Variants in PCDHGA3 observed in about 807,000 individuals in gnomAD.
PCDHGA3 encodes the protein protocadherin gamma subfamily A, 3.
A neutral mutation model predicts 58.5 loss-of-function variants in PCDHGA3; 40 were observed. That is an observed-to-expected ratio of 0.68 (90% CI 0.53 to 0.89). The LOEUF is 0.89. Ranked by LOEUF, PCDHGA3 falls within the 40% of genes least tolerant of loss-of-function variation. The probability of loss-of-function intolerance (pLI) is 0.00; values close to 1 mark genes in which losing one functional copy is unlikely to be tolerated. For synonymous variants in PCDHGA3, 530 were observed against 525.7 expected, an observed-to-expected ratio of 1.01 and a Z score of -0.11; for missense variants, 1,223 against 1,195.9, an observed-to-expected ratio of 1.02 and a Z score of -0.33.
At chr5:141,364,769 G>A in intron 1 of PCDHGA3, 4 of 1,614,012 alleles carry the variant, frequency 2.5e-6, no homozygotes, top group Non-Finnish European at 3.4e-6. Flanking sequence ...TGAAAATGCG[G>A]CTGCAGGGAC....
At position 141,394,009 on chromosome 5, in the gene PCDHGA3, G is replaced by C. The variant is rs1554094356; in HGVS notation, c.2424+47552G>C. The C allele has an allele frequency of 1.2e-6, 2 of 1,613,394 alleles. No homozygotes were observed. Among genetic ancestry groups the C allele is most frequent in the Admixed American group, 3.3e-5 (2 of 59,950 alleles). On this transcript the variant is annotated intron_variant, in intron 1 of 3. Coordinates refer to ENST00000253812, the MANE Select transcript of PCDHGA3 (RefSeq NM_018916.4). ...CCTTTTAAATTAGAAAAGTCAATAG[G>C]TAATTATTATAGATTAGTGACAAGG... is the stretch of plus-strand genomic sequence containing the variant.
intron 1 of PCDHGA3, chr5:141,376,676 G>GGTTTTTTTTT (rs1773026765): frequency 3.6e-6 from 1 of 275,812 alleles, no homozygotes; most frequent in Middle Eastern, 1.2e-3. Context: ...TGAGGGTATC[G>GGTTTTTTTTT]TTTTTTTTTT....
chr5:141,388,875 G>T lies in PCDHGA3; in HGVS notation c.2424+42418G>T, dbSNP rs201053346. ...TGGAGGAATGATTGCGCAATGCACAGTGGAGGTAGAAGTCATAGATGAAAA... is the reference window on the plus strand; with the variant it reads ...TGGAGGAATGATTGCGCAATGCACATTGGAGGTAGAAGTCATAGATGAAAA... On this transcript the variant is annotated intron_variant, in intron 1 of 3. Coordinates refer to ENST00000253812, the MANE Select transcript of PCDHGA3 (RefSeq NM_018916.4). 1.4e-4 allele frequency: 224 copies of T among 1,614,024 alleles called. No homozygotes were observed. The highest frequency in any genetic ancestry group is 1.8e-4 in the Non-Finnish European group (214 of 1,179,874).
At chr5:141,375,695 G>C (rs540188136) in intron 1 of PCDHGA3, 1 of 1,614,250 alleles carries the variant, frequency 6.2e-7, no homozygotes, top group South Asian at 1.1e-5. Context: ...CAGCGACAGC[G>C]GGGACCCGCC....
chr5:141,398,787 A>C, intron 1 of PCDHGA3: 1 of 1,613,902 alleles, frequency 6.2e-7, no homozygotes, highest in South Asian at 1.1e-5. Context: ...GTGGACATCC[A>C]CCCCTAAGCG....
intron 1 of PCDHGA3, among the ~76,000 whole-genome samples, chr5:141,457,459 C>G (rs749463185): frequency 1.6e-4 from 24 of 152,166 alleles, no homozygotes; most frequent in Non-Finnish European, 3.4e-4. Context: ...CCACTTGATT[C>G]ACAGGAATAA....
chr5:141,494,661 G>A, intron 1 of PCDHGA3, 146 bp from the exon 2 acceptor site: 2 of 1,492,976 alleles, frequency 1.3e-6, no homozygotes, highest in Non-Finnish European at 1.8e-6. Context: ...TTTGTCTTTG[G>A]AGATGAGTCC....
At chr5:141,452,538 G>T (rs1330051133) in intron 1 of PCDHGA3, among the ~76,000 whole-genome samples, 1 of 152,148 alleles carries the variant, frequency 6.6e-6, no homozygotes, top group Non-Finnish European at 1.5e-5. Flanking sequence ...AGTTCATATT[G>T]ATACCTCCAG....
At chr5:141,405,441 A>G (rs1049992632) in intron 1 of PCDHGA3, 1 of 1,376,552 alleles carries the variant, frequency 7.3e-7, no homozygotes, top group Non-Finnish European at 1.0e-6. Context: ...TGTTTTTGAG[A>G]CAGAGTCTTA....
chr5:141,470,658 G>T lies in PCDHGA3; in HGVS notation c.2425-24149G>T, dbSNP rs527415532. Among the ~76,000 whole-genome samples the T allele has an allele frequency of 4.7e-3, 721 of 152,024 alleles. 9 individuals carry two copies. The highest frequency in any genetic ancestry group is 6.7e-3 in the Non-Finnish European group (452 of 67,944). On this transcript the variant is annotated intron_variant, in intron 1 of 3. Transcript: ENST00000253812. ...CTTGCTTTGAAGGCCCCTACCCTTT[G>T]GTTAGGGCTCTGCTGTTACCATCTT... is the stretch of plus-strand genomic sequence containing the variant.
intron 1 of PCDHGA3, chr5:141,392,745 G>T: frequency 6.9e-7 from 1 of 1,441,296 alleles, no homozygotes; most frequent in Non-Finnish European, 9.1e-7. Flanking sequence ...CCATAGCTGC[G>T]GCAAGAAACT....
At chr5:141,398,565 A>C in intron 1 of PCDHGA3, 1 of 1,614,040 alleles carries the variant, frequency 6.2e-7, no homozygotes, top group Non-Finnish European at 8.5e-7. Context: ...GTGAGTCTGC[A>C]CAGCCTGGCA....
chr5:141,348,608 T>A (rs1041872145), intron 1 of PCDHGA3, among the ~76,000 whole-genome samples: 1 of 152,150 alleles, frequency 6.6e-6, no homozygotes, highest in Non-Finnish European at 1.5e-5. Context: ...ATGGAACCCA[T>A]ACAATTCCAC....
chr5:141,506,262 A>G (rs1395369571), intron 3 of PCDHGA3, among the ~76,000 whole-genome samples: 1 of 152,046 alleles, frequency 6.6e-6, no homozygotes, highest in Admixed American at 6.6e-5. Context: ...CGGCCTGGCC[A>G]ACATAGTGAA....
At chr5:141,360,644 A>C (rs1761688095) in intron 1 of PCDHGA3, 1 of 1,613,994 alleles carries the variant, frequency 6.2e-7, no homozygotes, top group Non-Finnish European at 8.5e-7. Flanking sequence ...CTACAAAGAT[A>C]CCACCTTAAT....
In PCDHGA3 at chr5:141,433,032, C is replaced by T. The variant is rs751061646; in HGVS notation, c.2425-61775C>T. The T allele has an allele frequency of 2.5e-6, 4 of 1,614,188 alleles. No homozygotes were observed. Among genetic ancestry groups the T allele is most frequent in the African/African-American group, 2.7e-5 (2 of 75,058 alleles). On this transcript the variant is annotated intron_variant, in intron 1 of 3. Transcript: ENST00000253812. ...CTGCAGACCTATTCCCACGAGGTTTCCCTCACCACGGACTCGCGGAAGAGT... is the reference window on the plus strand; with the variant it reads ...CTGCAGACCTATTCCCACGAGGTTTTCCTCACCACGGACTCGCGGAAGAGT...
In PCDHGA3 at chr5:141,450,032, G is replaced by A. The variant is rs146567243; in HGVS notation, c.2425-44775G>A. Among the ~76,000 whole-genome samples the A allele has an allele frequency of 4.6e-3, 607 of 131,666 alleles. 4 individuals are homozygous for A. The highest frequency in any genetic ancestry group is 0.017 in the African/African-American group (550 of 33,158). The allele number at this position is 131,666 out of a possible 152,430, so 86.4% of individuals were successfully genotyped here. A position where few individuals can be genotyped will look rare whatever the true frequency, so the allele number is the denominator to read the frequency against. On this transcript the variant is annotated intron_variant, in intron 1 of 3. Transcript: ENST00000253812. ...TTTTTTTTTTTTTTTTTTGAGACAG[G>A]GTCTCACTCTTTCGCCCAGGCTGGA... is the stretch of plus-strand genomic sequence containing the variant.
intron 1 of PCDHGA3, chr5:141,423,301 C>T (rs1489674947): frequency 1.9e-6 from 3 of 1,614,150 alleles, no homozygotes; most frequent in East Asian, 4.5e-5. Flanking sequence ...AGACCTCTCG[C>T]TGTACTTGGT....
chr5:141,366,698 C>G, intron 1 of PCDHGA3: 1 of 1,614,234 alleles, frequency 6.2e-7, no homozygotes, highest in Non-Finnish European at 8.5e-7. Flanking sequence ...GAAAAGCGAG[C>G]CTCTTCTGAT....
Sources: gnomAD v4.1 joint callset for allele counts (sites outside exome capture counted in the v4.1 genomes callset) on GRCh38, gnomAD v4.1.1 for gene constraint, MANE v1.5 for transcripts, NCBI Gene and HGNC (gene_info 2026-07-23, HGNC 2026-07-21) for gene names.